Variants in ANKRD24 observed in about 807,000 individuals in gnomAD.
ANKRD24 encodes ankyrin repeat domain 24.
Under a neutral mutation model 127.8 loss-of-function variants are expected in ANKRD24, and 109 were observed. The ratio of observed to expected loss-of-function variants is 0.85; its 90% CI spans 0.73 to 1.00. The LOEUF is 1.00. Ranked by LOEUF, ANKRD24 falls within the 50% of genes least tolerant of loss-of-function variation. The probability of loss-of-function intolerance (pLI) is 0.00; values close to 1 mark genes in which losing one functional copy is unlikely to be tolerated. For missense variants in ANKRD24, 1,648 were observed against 1,570.2 expected (o/e 1.05, Z -0.84); for synonymous variants, 743 against 671.1 (o/e 1.11, Z -1.66).
At position 4,217,801 on chromosome 19, in the gene ANKRD24, G is replaced by T; in HGVS notation, c.2641G>T (p.Ala881Ser). Residue 881 changes from alanine to serine, a missense_variant, in exon 18 of 22, where the codon GCT (alanine) becomes TCT (serine). Coordinates refer to ENST00000318934, the MANE Select transcript of ANKRD24 (RefSeq NM_001393985.1). ...AAELGRARDA[A>S]EARVAELPAA... ...GGAACTGGGCCGGGCACGGGACGCC[G>T]CTGAGGCCCGAGTGGCTGAGCTGCC... The T allele has an allele frequency of 2.2e-6, 3 of 1,362,016 alleles. No individual in the cohort carries two copies. The highest frequency in any genetic ancestry group is 2.8e-6 in the Non-Finnish European group (3 of 1,062,548). 84.4% of individuals were successfully genotyped at this position (1,362,016 alleles called of 1,614,324 possible). A position where few individuals can be genotyped will look rare whatever the true frequency, so the allele number is the denominator to read the frequency against.
At position 4,217,577 on chromosome 19, in the gene ANKRD24, G is replaced by A; in HGVS notation, c.2417G>A (p.Arg806Gln). The A allele has an allele frequency of 3.8e-6, 5 of 1,308,260 alleles. No homozygotes were observed. Among genetic ancestry groups the A allele is most frequent in the Non-Finnish European group, 4.8e-6 (5 of 1,032,772 alleles). 81.0% of individuals were successfully genotyped at this position (1,308,260 alleles called of 1,614,324 possible). A position where few individuals can be genotyped will look rare whatever the true frequency, so the allele number is the denominator to read the frequency against. ...EDLRDRDSRL[R>Q]ELEAASACLD... ...CTCCGAGACCGGGACTCCCGCCTGC[G>A]GGAGCTGGAGGCGGCCTCGGCCTGC... Residue 806 changes from arginine (R) to glutamine (Q), a missense_variant, in exon 18 of 22, where the codon CGG (arginine) becomes CAG (glutamine). By Grantham distance (43) the Arg-to-Gln change is conservative (BLOSUM62 1). Transcript: ENST00000318934.
At position 4,210,444 on chromosome 19, in the gene ANKRD24, C is replaced by T; in HGVS notation, c.1059+72C>T. Reference sequence around the variant, plus strand: ...CAATGCAGGCATGAAGATCCCCCTACTTTTCTCCCACCTTCCCTCCTCCAT... The same window carrying T: ...CAATGCAGGCATGAAGATCCCCCTATTTTTCTCCCACCTTCCCTCCTCCAT... On this transcript the variant is annotated intron_variant, in intron 13 of 21. Transcript: ENST00000318934. The T allele has an allele frequency of 2.3e-6, 3 of 1,308,206 alleles. No homozygotes were observed. In the South Asian group the frequency reaches 4.4e-5, roughly 19 times the overall value. 81.0% of individuals were successfully genotyped at this position (1,308,206 alleles called of 1,614,324 possible). A position where few individuals can be genotyped will look rare whatever the true frequency, so the allele number is the denominator to read the frequency against.
rs1386098841 is a variant in ANKRD24 at position 4,212,639 on chromosome 19, G to C, written c.1138G>C (p.Glu380Gln). The part of the protein sequence containing the change: ...LQQLLVERQE[E>Q]KESLGREVES... ...GCAGTTGCTGGTGGAGAGACAAGAG[G>C]AGAAGGAGAGCCTGGGACGGGAGGT... is the stretch of plus-strand genomic sequence containing the variant. Residue 380 changes from glutamate (E) to glutamine (Q), a missense_variant, in exon 15 of 22, where the codon GAG becomes CAG. By Grantham distance (29) the Glu-to-Gln change is conservative. Coordinates refer to ENST00000318934, the MANE Select transcript of ANKRD24 (RefSeq NM_001393985.1). The C allele has an allele frequency of 3.9e-6, 6 of 1,551,212 alleles. No individual in the cohort carries two copies. The highest frequency in any genetic ancestry group is 2.6e-6 in the Non-Finnish European group (3 of 1,147,044).
chr19:4,218,388 T>C (rs1050339553), intron 18 of ANKRD24, among the ~76,000 whole-genome samples: 1 of 151,648 alleles, frequency 6.6e-6, no homozygotes, highest in African/African-American at 2.4e-5. Context: ...CAACCTCCTC[T>C]TTCCCGGTTC....
chr19:4,224,331 T>A, intron 21 of ANKRD24, 97 bp from the exon 22 acceptor site: 1 of 1,457,536 alleles, frequency 6.9e-7, no homozygotes, highest in Admixed American at 1.9e-5. Flanking sequence ...CTGTGTGCAT[T>A]TCCCTCCTGG....
chr19:4,209,741 C>T (rs1256674004), intron 11 of ANKRD24, among the ~76,000 whole-genome samples: 3 of 152,144 alleles, frequency 2.0e-5, no homozygotes, highest in African/African-American at 7.2e-5. Context: ...TGTGAGCCAC[C>T]GCGCTGGCCC....
In ANKRD24 at chr19:4,182,789, T is replaced by C. The variant is rs112116785; in HGVS notation, c.-37+49T>C. 786 of 980,438 alleles carry C rather than the reference T, an allele frequency of 8.0e-4. 11 individuals are homozygous for C. The African/African-American group carries it at 0.012, about 15-fold the overall frequency. The allele number at this position is 980,438 out of a possible 1,614,324, so 60.7% of individuals were successfully genotyped here. The stretch of plus-strand genomic sequence containing the variant: ...GCTCCCCGATGACCCGGGCGGGAAA[T>C]TGGGGCGGCCGCCTACGTGAGAGTT... On this transcript the variant is annotated intron_variant, in intron 1 of 21. Transcript: ENST00000318934.
rs1568351080 is a variant in ANKRD24 at position 4,224,722 on chromosome 19, T to A, written c.*217T>A. The A allele has an allele frequency of 5.2e-6, 3 of 577,860 alleles. No individual in the cohort carries two copies. Among genetic ancestry groups the A allele is most frequent in the Non-Finnish European group, 6.2e-6 (2 of 323,306 alleles). 35.8% of individuals were successfully genotyped at this position (577,860 alleles called of 1,614,324 possible). A position where few individuals can be genotyped will look rare whatever the true frequency, so the allele number is the denominator to read the frequency against. ...CACTGGTCAGTCTGGACCCGGGCCG[T>A]GACTGCCCCTCCCCCACCACCGGAG... is the stretch of plus-strand genomic sequence containing the variant. On this transcript the variant is annotated 3_prime_UTR_variant, in exon 22 of 22. Coordinates refer to ENST00000318934, the MANE Select transcript of ANKRD24 (RefSeq NM_001393985.1).
At chr19:4,213,439 T>C (rs1969881071) in intron 15 of ANKRD24, among the ~76,000 whole-genome samples, 2 of 149,046 alleles carry the variant, frequency 1.3e-5, no homozygotes, top group South Asian at 2.2e-4. Flanking sequence ...CTTCTCTCTT[T>C]CCTTCTATCC....
intron 2 of ANKRD24, among the ~76,000 whole-genome samples, chr19:4,196,084 G>C (rs139698447): frequency 6.6e-6 from 1 of 152,098 alleles, no homozygotes; most frequent in East Asian, 1.9e-4. Context: ...GATGCTGCTC[G>C]GCACCCTGCA....
intron 13 of ANKRD24, among the ~76,000 whole-genome samples, chr19:4,211,366 C>T (rs1382266350): frequency 2.0e-5 from 3 of 151,776 alleles, no homozygotes; most frequent in South Asian, 4.2e-4. Flanking sequence ...TGGCTGGGCA[C>T]GGTGGCTCAC....
rs145057780 is a variant in ANKRD24 at position 4,198,789 on chromosome 19, G to C, written c.37-894G>C. ...ATTTAGGAACATTTAGAGGGCATTG[G>C]GGGGTGCAGTTTTGGGAAAACATTT... On this transcript the variant is annotated intron_variant, in intron 2 of 21. Transcript: ENST00000318934. This position sits in a 1 kb window ranked among gnomAD's most constrained non-coding sequence, Gnocchi z 6.1. Among the ~76,000 whole-genome samples the C allele has an allele frequency of 6.6e-6, 1 of 152,174 alleles. No homozygotes were observed. The highest frequency in any genetic ancestry group is 2.4e-5 in the African/African-American group (1 of 41,458).
intron 16 of ANKRD24, 62 bp downstream of exon 16, chr19:4,216,112 A>C: frequency 6.6e-7 from 1 of 1,508,996 alleles, no homozygotes; most frequent in East Asian, 2.4e-5. Flanking sequence ...TGGAAGACGG[A>C]GCCTCTGGGT....
chr19:4,218,110 C>T lies in ANKRD24; in HGVS notation c.2950C>T (p.Gln984Ter). 6.5e-7 allele frequency: 1 copy of T among 1,543,776 alleles called. No individual in the cohort carries two copies. The highest frequency in any genetic ancestry group is 8.7e-7 in the Non-Finnish European group (1 of 1,146,970). ...GGCCAACGTGGCCCAGCTGGAGGGGCAGCTGGAGGAGCTGGGACGGCGGCA... is the reference window on the plus strand; with the variant it reads ...GGCCAACGTGGCCCAGCTGGAGGGGTAGCTGGAGGAGCTGGGACGGCGGCA... ...LQANVAQLEG[Q>*]LEELGRRHEK... Residue 984 changes from glutamine (Q) to a stop codon, truncating the protein, a stop_gained, in exon 18 of 22, where the codon CAG becomes TAG. Coordinates refer to ENST00000318934, the MANE Select transcript of ANKRD24 (RefSeq NM_001393985.1). LOFTEE classifies it high-confidence loss of function.
At position 4,196,799 on chromosome 19, in the gene ANKRD24, C is replaced by T. The variant is rs1325072254; in HGVS notation, c.37-2884C>T. 2.6e-5 allele frequency among the ~76,000 whole-genome samples: 4 copies of T among 152,298 alleles called. No homozygotes were observed. The East Asian group carries it at 7.7e-4, about 29-fold the overall frequency. Reference sequence around the variant, plus strand: ...AATAAATGCTTACTGCTTGAAGGAGCATCTCCCCCAAGTGTTCATCTGATG... The same window carrying T: ...AATAAATGCTTACTGCTTGAAGGAGTATCTCCCCCAAGTGTTCATCTGATG... On this transcript the variant is annotated intron_variant, in intron 2 of 21. Coordinates refer to ENST00000318934, the MANE Select transcript of ANKRD24 (RefSeq NM_001393985.1).
Position 4,217,637 on chromosome 19 carries a change from A to G in ANKRD24, c.2477A>G (p.Glu826Gly), listed in dbSNP as rs2145400399. The G allele has an allele frequency of 1.6e-6, 2 of 1,284,588 alleles. No individual in the cohort carries two copies. The highest frequency in any genetic ancestry group is 2.0e-6 in the Non-Finnish European group (2 of 1,019,726). 79.6% of individuals were successfully genotyped at this position (1,284,588 alleles called of 1,614,324 possible). A position where few individuals can be genotyped will look rare whatever the true frequency, so the allele number is the denominator to read the frequency against. Reference sequence around the variant, plus strand: ...GCTCGGGCCAGCCGGCTGCTGGCGGAGGAGGAGGCGCGGGGCCTGCGGGCC... The same window carrying G: ...GCTCGGGCCAGCCGGCTGCTGGCGGGGGAGGAGGCGCGGGGCCTGCGGGCC... ...DEARASRLLA[E>G]EEARGLRAEL... The change falls in exon 18 of 22, where the codon GAG becomes GGG. Residue 826 changes from glutamate (E) to glycine (G), a missense_variant. By Grantham distance (98) the Glu-to-Gly change is moderately conservative. Transcript: ENST00000318934.
intron 13 of ANKRD24, among the ~76,000 whole-genome samples, chr19:4,211,458 G>A (rs1346255549): frequency 2.0e-5 from 3 of 151,882 alleles, no homozygotes; most frequent in Non-Finnish European, 2.9e-5. Flanking sequence ...GGCCAACATA[G>A]TGAAACCCTG....
At chr19:4,203,053 T>TTTC in intron 7 of ANKRD24, 127 bp downstream of exon 7, 2 of 234,004 alleles carry the variant, frequency 8.5e-6, no homozygotes, top group South Asian at 1.2e-4. Flanking sequence ...TCTTTCTTTC[T>TTTC]TTTTTTTTTT....
At chr19:4,197,409 G>T (rs1490012149) in intron 2 of ANKRD24, among the ~76,000 whole-genome samples, 1 of 152,170 alleles carries the variant, frequency 6.6e-6, no homozygotes. Flanking sequence ...ACAAATGAAT[G>T]AATGGGTGGT....
Sources: allele counts gnomAD v4.1 joint callset (sites outside exome capture counted in the v4.1 genomes callset), GRCh38; gene constraint gnomAD v4.1.1; non-coding constraint Gnocchi (gnomAD v3.1); transcripts MANE v1.5; gene names NCBI Gene and HGNC (gene_info 2026-07-23, HGNC 2026-07-21).